COL13A1: variants seen among roughly 807,000 people sequenced by gnomAD.
COL13A1 encodes collagen type XIII alpha 1 chain.
Under a neutral mutation model 130.9 loss-of-function variants are expected in COL13A1, and 89 were observed. That is an observed-to-expected ratio of 0.68 (90% CI 0.57 to 0.81). The LOEUF is 0.81. COL13A1 is among the 30% of genes least tolerant of loss of function. The probability of loss-of-function intolerance (pLI) is 0.00; values close to 1 mark genes in which losing one functional copy is unlikely to be tolerated. For synonymous variants in COL13A1, 402 were observed against 341.6 expected (o/e 1.18, Z -1.95); for missense variants, 879 against 934.6 (o/e 0.94, Z 0.78).
intron 17 of COL13A1, among the ~76,000 whole-genome samples, chr10:69,915,713 A>G (rs1209129223): frequency 4.6e-5 from 7 of 152,234 alleles, no homozygotes; most frequent in Non-Finnish European, 1.5e-5. Flanking sequence ...ATAGGGGTGC[A>G]GGAGTCAGTG....
At chr10:69,832,007 T>C (rs1252533570) in intron 2 of COL13A1, among the ~76,000 whole-genome samples, 1 of 152,118 alleles carries the variant, frequency 6.6e-6, no homozygotes, top group Non-Finnish European at 1.5e-5. Flanking sequence ...GATGACGACA[T>C]GAGTGGAAAA....
intron 2 of COL13A1, among the ~76,000 whole-genome samples, chr10:69,840,082 A>G (rs1204383722): frequency 3.9e-5 from 6 of 152,140 alleles, no homozygotes; most frequent in Non-Finnish European, 8.8e-5. Flanking sequence ...GATTTTGGGT[A>G]TGTGCTAGAG....
chr10:69,915,171 C>G (rs991937327), intron 17 of COL13A1, among the ~76,000 whole-genome samples: 1 of 152,236 alleles, frequency 6.6e-6, no homozygotes, highest in South Asian at 2.1e-4. Flanking sequence ...GCAAGAATAA[C>G]GTCCACTCCC....
At chr10:69,924,548 A>C (rs959823738) in intron 24 of COL13A1, among the ~76,000 whole-genome samples, 1 of 150,918 alleles carries the variant, frequency 6.6e-6, no homozygotes, top group African/African-American at 2.4e-5. Flanking sequence ...CAGCAAAAGA[A>C]CTGTGTGGGC....
chr10:69,822,123 G>T (rs1251952697), intron 1 of COL13A1, among the ~76,000 whole-genome samples: 1 of 152,162 alleles, frequency 6.6e-6, no homozygotes, highest in Non-Finnish European at 1.5e-5. Context: ...TGTGTTTGGG[G>T]TTAATTTCTT....
intron 2 of COL13A1, among the ~76,000 whole-genome samples, chr10:69,852,381 T>C (rs551780858): frequency 6.6e-6 from 1 of 152,366 alleles, no homozygotes; most frequent in African/African-American, 2.4e-5. Flanking sequence ...ATTTCACATA[T>C]GTTATCTCAT....
At chr10:69,811,167 T>A (rs576541317) in intron 1 of COL13A1, among the ~76,000 whole-genome samples, 1 of 152,292 alleles carries the variant, frequency 6.6e-6, no homozygotes, top group South Asian at 2.1e-4. Context: ...TGAGCATTCG[T>A]CCAGGCATTT....
chr10:69,936,484 C>G (rs1210660272), intron 32 of COL13A1, among the ~76,000 whole-genome samples: 1 of 152,190 alleles, frequency 6.6e-6, no homozygotes. Context: ...TGTGTTACCT[C>G]CGTGTCTTTC....
Position 69,930,041 on chromosome 10 carries a change from A to G in COL13A1, c.1486-2A>G. On this transcript the variant is annotated splice_acceptor_variant, in intron 28 of 40. Transcript: ENST00000645393. LOFTEE classifies it high-confidence loss of function. The stretch of plus-strand genomic sequence containing the variant: ...AGTCACCTTTAGTTGTTCCGGTTAC[A>G]GGGGGAGATTGGACTGCCAGGCCCT... 3 of 1,613,862 alleles carry G rather than the reference A, an allele frequency of 1.9e-6. No individual in the cohort carries two copies. The highest frequency in any genetic ancestry group is 2.5e-6 in the Non-Finnish European group (3 of 1,179,778).
intron 14 of COL13A1, among the ~76,000 whole-genome samples, chr10:69,900,092 T>C (rs907967375): frequency 6.6e-6 from 1 of 152,202 alleles, no homozygotes; most frequent in African/African-American, 2.4e-5. Context: ...CACCAGAGCA[T>C]GGCTACTCAG....
chr10:69,921,762 G>A lies in COL13A1; in HGVS notation c.1090-120G>A. 15 of 1,316,372 alleles carry A rather than the reference G, an allele frequency of 1.1e-5. No homozygotes were observed. The South Asian group carries it at 1.6e-4, about 14-fold the overall frequency. The allele number at this position is 1,316,372 out of a possible 1,614,324, so 81.5% of individuals were successfully genotyped here. On this transcript the variant is annotated intron_variant, in intron 21 of 40. Coordinates refer to ENST00000645393, the MANE Select transcript of COL13A1 (RefSeq NM_001368882.1). ...TGGAGCCCTTCAGAAAGCCAGCTGGGGGCAGGGGCACCGAGGCAGGAGCAA... is the reference window on the plus strand; with the variant it reads ...TGGAGCCCTTCAGAAAGCCAGCTGGAGGCAGGGGCACCGAGGCAGGAGCAA...
At chr10:69,955,695 T>G (rs919014683) in intron 39 of COL13A1, 3 of 152,148 alleles carry the variant, frequency 2.0e-5, no homozygotes, top group African/African-American at 7.2e-5. Context: ...CTCCTCCCCC[T>G]GCAATCCCCT....
At chr10:69,838,635 C>T (rs890065107) in intron 2 of COL13A1, among the ~76,000 whole-genome samples, 3 of 152,234 alleles carry the variant, frequency 2.0e-5, no homozygotes, top group East Asian at 1.9e-4. Flanking sequence ...CCTTGGGGAC[C>T]GGCCCTTGCC....
Position 69,889,289 on chromosome 10 carries a change from A to G in COL13A1, c.577-125A>G, listed in dbSNP as rs907562085. The G allele has an allele frequency of 1.1e-4, 136 of 1,199,246 alleles. 2 individuals are homozygous for G. In the South Asian group the frequency reaches 1.6e-3, roughly 14 times the overall value. 74.3% of individuals were successfully genotyped at this position (1,199,246 alleles called of 1,614,324 possible). A position where few individuals can be genotyped will look rare whatever the true frequency, so the allele number is the denominator to read the frequency against. The stretch of plus-strand genomic sequence containing the variant: ...AAGCCAGAAGGTGCAGATGGAGCAC[A>G]GGGGACAGGGAGGAGCACGGGGGGC... On this transcript the variant is annotated intron_variant, in intron 9 of 40. Transcript: ENST00000645393.
chr10:69,892,734 T>C (rs1463348184), intron 10 of COL13A1, among the ~76,000 whole-genome samples: 1 of 152,214 alleles, frequency 6.6e-6, no homozygotes, highest in Non-Finnish European at 1.5e-5. Flanking sequence ...ACTGGTACCA[T>C]GTGTTGTTGG....
intron 21 of COL13A1, among the ~76,000 whole-genome samples, chr10:69,921,102 TG>T (rs891069728): frequency 1.3e-5 from 2 of 152,166 alleles, no homozygotes; most frequent in African/African-American, 4.8e-5. Flanking sequence ...TTCTGGAAGC[TG>T]GAAGTCCAAA....
intron 14 of COL13A1, among the ~76,000 whole-genome samples, chr10:69,900,377 A>C (rs1305695456): frequency 1.3e-5 from 2 of 152,216 alleles, no homozygotes; most frequent in Non-Finnish European, 2.9e-5. Flanking sequence ...GAAGAACTCA[A>C]GAGGGGTGCA....
intron 2 of COL13A1, among the ~76,000 whole-genome samples, chr10:69,845,196 T>C (rs1448613921): frequency 2.9e-4 from 2 of 6,942 alleles, no homozygotes; most frequent in African/African-American, 4.6e-4. Flanking sequence ...TTTCTTTTTC[T>C]TTTTTTTTTT....
chr10:69,923,416 G>A (rs552932262), intron 23 of COL13A1, among the ~76,000 whole-genome samples: 1 of 152,340 alleles, frequency 6.6e-6, no homozygotes, highest in Admixed American at 6.5e-5. Context: ...GAAATGAAGG[G>A]GGTCTGTTTC....
Sources: allele counts gnomAD v4.1 joint callset (sites outside exome capture counted in the v4.1 genomes callset), GRCh38; gene constraint gnomAD v4.1.1; transcripts MANE v1.5; gene names NCBI Gene and HGNC (gene_info 2026-07-23, HGNC 2026-07-21).